ENPP5: variants seen among roughly 807,000 people sequenced by gnomAD.
The protein encoded by ENPP5 is ectonucleotide pyrophosphatase/phosphodiesterase family member 5.
Under a neutral mutation model 33.7 loss-of-function variants are expected in ENPP5, and 27 were observed. That is an observed-to-expected ratio of 0.80 (90% CI 0.59 to 1.11). ENPP5 has a LOEUF of 1.11. Ranked by LOEUF, ENPP5 falls within the 50% of genes least tolerant of loss-of-function variation. The probability of loss-of-function intolerance (pLI) is 0.00; values close to 1 mark genes in which losing one functional copy is unlikely to be tolerated. For missense variants in ENPP5, 552 were observed against 579.2 expected (o/e 0.95, Z 0.48); for synonymous variants, 199 against 200.5 (o/e 0.99, Z 0.06).
In ENPP5 at chr6:46,167,706, T is replaced by C. The variant is rs1409685600; in HGVS notation, c.557A>G (p.Tyr186Cys). 1 of 1,614,066 alleles carries C rather than the reference T, an allele frequency of 6.2e-7. No homozygotes were observed. The highest frequency in any genetic ancestry group is 2.2e-5 in the East Asian group (1 of 44,906). The change falls in exon 3 of 5, where the codon TAT (tyrosine) becomes TGT (cysteine). Residue 186 changes from tyrosine (Y) to cysteine (C), a missense_variant. Transcript: ENST00000371383. ...GCCCATGTCATCAGGGTCTTCCCAA[T>C]AGAGAAGACCAAGATTTATGGGCTC... ...SKEPINLGLL[Y>C]WEDPDDMGHH...
At position 46,161,162 on chromosome 6, in the gene ENPP5, C is replaced by T. The variant is rs929379528; in HGVS notation, c.*164G>A. ...CTTTGCAGGTGTAAGTATTTTGGTCCGTGTGTGTGTATGTGTGTGTGTGTG... is the reference window on the plus strand; with the variant it reads ...CTTTGCAGGTGTAAGTATTTTGGTCTGTGTGTGTGTATGTGTGTGTGTGTG... On this transcript the variant is annotated 3_prime_UTR_variant, in exon 5 of 5. Transcript: ENST00000371383. 5 of 587,300 alleles carry T rather than the reference C, an allele frequency of 8.5e-6. No individual in the cohort carries two copies. The highest frequency in any genetic ancestry group is 5.7e-5 in the East Asian group (2 of 35,346). 36.4% of individuals were successfully genotyped at this position (587,300 alleles called of 1,614,324 possible). A position where few individuals can be genotyped will look rare whatever the true frequency, so the allele number is the denominator to read the frequency against.
At chr6:46,167,083 A>G (rs1335073647) in intron 3 of ENPP5, among the ~76,000 whole-genome samples, 1 of 152,208 alleles carries the variant, frequency 6.6e-6, no homozygotes, top group Non-Finnish European at 1.5e-5. Context: ...TGGGGCTTCT[A>G]TGAAATAACT....
Position 46,161,142 on chromosome 6 carries a change from C to A in ENPP5, c.*184G>T. ...ATACTCTCACATCTTTATTCCTTTG[C>A]AGGTGTAAGTATTTTGGTCCGTGTG... On this transcript the variant is annotated 3_prime_UTR_variant, in exon 5 of 5. Transcript: ENST00000371383. 1 of 572,284 alleles carries A rather than the reference C, an allele frequency of 1.7e-6. No homozygotes were observed. Among genetic ancestry groups the A allele is most frequent in the Non-Finnish European group, 3.1e-6 (1 of 320,656 alleles). The allele number at this position is 572,284 out of a possible 1,614,324, so 35.5% of individuals were successfully genotyped here.
Position 46,160,909 on chromosome 6 carries a change from C to T in ENPP5, c.*417G>A, listed in dbSNP as rs931895438. 6.2e-6 allele frequency: 1 copy of T among 161,794 alleles called. No homozygotes were observed. Among genetic ancestry groups the T allele is most frequent in the African/African-American group, 2.4e-5 (1 of 41,522 alleles). 10.0% of individuals were successfully genotyped at this position (161,794 alleles called of 1,614,324 possible). ...TAACAAGTATTCTGTGACATGGGTG[C>T]AAAAAGTTGTCATTTTCAATCAAGT... On this transcript the variant is annotated 3_prime_UTR_variant, in exon 5 of 5. Coordinates refer to ENST00000371383, the MANE Select transcript of ENPP5 (RefSeq NM_001290072.2).
In ENPP5 at chr6:46,167,764, C is replaced by T. The variant is rs1441628198; in HGVS notation, c.499G>A (p.Val167Ile). ...GTAAACCATTCAATAATTTTGGCAA[C>T]TCTATCTTCAAATGAAACTGACTCA... Reference protein sequence around the residue: ...YNESVSFEDRVAKIIEWFTSK... With the variant: ...YNESVSFEDRIAKIIEWFTSK... The change falls in exon 3 of 5, where the codon GTT becomes ATT. Residue 167 changes from valine (V) to isoleucine (I), a missense_variant. Val to Ile is a conservative substitution (Grantham distance 29, BLOSUM62 3). Transcript: ENST00000371383. 2 of 1,613,744 alleles carry T rather than the reference C, an allele frequency of 1.2e-6. No individual in the cohort carries two copies. Among genetic ancestry groups the T allele is most frequent in the Non-Finnish European group, 1.7e-6 (2 of 1,179,964 alleles).
chr6:46,163,305 C>T (rs1174962927), intron 4 of ENPP5, among the ~76,000 whole-genome samples: 6 of 150,848 alleles, frequency 4.0e-5, no homozygotes, highest in South Asian at 2.1e-4. Flanking sequence ...CATGCTGGTG[C>T]GCTGCACCCA....
chr6:46,169,664 G>C (rs1245457000), intron 2 of ENPP5, among the ~76,000 whole-genome samples: 4 of 152,162 alleles, frequency 2.6e-5, no homozygotes, highest in Non-Finnish European at 5.9e-5. Flanking sequence ...AAAGTGCTGG[G>C]ATTACAGGCA....
At chr6:46,168,740 C>A (rs915138647) in intron 2 of ENPP5, among the ~76,000 whole-genome samples, 1 of 151,620 alleles carries the variant, frequency 6.6e-6, no homozygotes, top group African/African-American at 2.4e-5. Flanking sequence ...ATTAGCAAAT[C>A]GAATAATGGT....
chr6:46,166,188 TCCTCTTCCCTTC>T (rs891568289), intron 3 of ENPP5, among the ~76,000 whole-genome samples: 8 of 151,972 alleles, frequency 5.3e-5, no homozygotes, highest in Non-Finnish European at 1.0e-4. Flanking sequence ...CCCTTCCATT[TCCTCTTCCCTTC>T]CCTCTTCCCT....
intron 2 of ENPP5, 21 bp from the exon 3 acceptor site, chr6:46,168,318 A>C: frequency 8.7e-7 from 1 of 1,154,064 alleles, no homozygotes; most frequent in Non-Finnish European, 1.2e-6. Flanking sequence ...AACATATAGA[A>C]ATTAAAGGCA....
chr6:46,159,907 C>T lies in ENPP5; in HGVS notation c.*1419G>A, dbSNP rs903559979. On this transcript the variant is annotated 3_prime_UTR_variant, in exon 5 of 5. Coordinates refer to ENST00000371383, the MANE Select transcript of ENPP5 (RefSeq NM_001290072.2). Reference sequence around the variant, plus strand: ...GGGCTTCCTCTTTCCTCTAAGAAGCCACATGTAATACTATGCCTCTCCCAA... The same window carrying T: ...GGGCTTCCTCTTTCCTCTAAGAAGCTACATGTAATACTATGCCTCTCCCAA... 2 of 152,128 alleles carry T rather than the reference C, an allele frequency of 1.3e-5. No homozygotes were observed. The highest frequency in any genetic ancestry group is 2.9e-5 in the Non-Finnish European group (2 of 68,028). 9.4% of individuals were successfully genotyped at this position (152,128 alleles called of 1,614,324 possible).
At chr6:46,164,734 T>TA (rs1764487333) in intron 4 of ENPP5, among the ~76,000 whole-genome samples, 1 of 151,692 alleles carries the variant, frequency 6.6e-6, no homozygotes, top group Non-Finnish European at 1.5e-5. Flanking sequence ...GTTTATTTTT[T>TA]TTTTTTTGCT....
In ENPP5 at chr6:46,162,279, C is replaced by A. The variant is rs867455379; in HGVS notation, c.1007-526G>T. On this transcript the variant is annotated intron_variant, in intron 4 of 4. Coordinates refer to ENST00000371383, the MANE Select transcript of ENPP5 (RefSeq NM_001290072.2). ...CTGTACTTACAGCTATAATCTACTACTAAAAAACAAAGGTCAGAGTGGAGG... is the reference window on the plus strand; with the variant it reads ...CTGTACTTACAGCTATAATCTACTAATAAAAAACAAAGGTCAGAGTGGAGG... Among the ~76,000 whole-genome samples the A allele has an allele frequency of 3.3e-5, 5 of 152,240 alleles. No homozygotes were observed. The Middle Eastern group carries it at 0.01, about 311-fold the overall frequency.
Position 46,161,450 on chromosome 6 carries a change from A to G in ENPP5, c.1310T>C (p.Val437Ala), listed in dbSNP as rs1452489494. 6.2e-7 allele frequency: 1 copy of G among 1,613,906 alleles called. No individual in the cohort carries two copies. Among genetic ancestry groups the G allele is most frequent in the Admixed American group, 1.7e-5 (1 of 60,024 alleles). ...AATCACTATAATGCTGCCAAGAGAGACCCCTATGAAATAAGGGTATGACCC... is the reference window on the plus strand; with the variant it reads ...AATCACTATAATGCTGCCAAGAGAGGCCCCTATGAAATAAGGGTATGACCC... ...QEGSYPYFIGVSLGSIIVIVF... is the reference protein window; with the variant it reads ...QEGSYPYFIGASLGSIIVIVF... The change falls in exon 5 of 5, where the codon GTC (valine) becomes GCC (alanine). Residue 437 changes from valine (V) to alanine (A), a missense_variant. Coordinates refer to ENST00000371383, the MANE Select transcript of ENPP5 (RefSeq NM_001290072.2).
chr6:46,161,902 G>T, intron 4 of ENPP5, 149 bp from the exon 5 acceptor site: 2 of 666,216 alleles, frequency 3.0e-6, no homozygotes, highest in South Asian at 1.8e-5. Flanking sequence ...CTCTGCTGTT[G>T]TCCACATCAC....
intron 3 of ENPP5, among the ~76,000 whole-genome samples, chr6:46,166,659 C>T (rs1335841793): frequency 1.7e-5 from 2 of 115,080 alleles, no homozygotes; most frequent in African/African-American, 2.7e-5. Flanking sequence ...TTTTAACATT[C>T]GCTGTTTCAT....
chr6:46,161,495 G>C lies in ENPP5; in HGVS notation c.1265C>G (p.Pro422Arg). The change falls in exon 5 of 5, where the codon CCA becomes CGA. Residue 422 changes from proline (P) to arginine (R), a missense_variant. Physicochemically the swap from Pro to Arg is moderately radical, Grantham distance 103. Transcript: ENST00000371383. ...STILLPGSVK[P>R]AEYDQEGSYP... The stretch of plus-strand genomic sequence containing the variant: ...TGACCCCTCTTGGTCATATTCTGCT[G>C]GTTTAACACTACCAGGGAGGAGTAT... 1.2e-6 allele frequency: 2 copies of C among 1,614,060 alleles called. No homozygotes were observed. The highest frequency in any genetic ancestry group is 1.7e-5 in the Admixed American group (1 of 60,020).
intron 4 of ENPP5, chr6:46,164,884 GC>G (rs1048273867): frequency 1.3e-5 from 2 of 152,118 alleles, no homozygotes; most frequent in African/African-American, 4.8e-5. Flanking sequence ...GACTACAGGC[GC>G]CCACCACCAT....
chr6:46,168,176 C>G lies in ENPP5; in HGVS notation c.87G>C (p.Lys29Asn). ...ATCCATCAAAAGAAACTAGTAGAAC[C>G]TTTTGCTGGTCTGGTTGGAGAGAAA... ...TTFSLQPDQQ[K>N]VLLVSFDGFR... The change falls in exon 3 of 5, where the codon AAG (lysine) becomes AAC (asparagine). Residue 29 changes from lysine (K) to asparagine (N), a missense_variant. Coordinates refer to ENST00000371383, the MANE Select transcript of ENPP5 (RefSeq NM_001290072.2). 6.2e-7 allele frequency: 1 copy of G among 1,613,380 alleles called. No homozygotes were observed.
Sources: gnomAD v4.1 joint callset for allele counts (sites outside exome capture counted in the v4.1 genomes callset) on GRCh38, gnomAD v4.1.1 for gene constraint, MANE v1.5 for transcripts, NCBI Gene and HGNC (gene_info 2026-07-23, HGNC 2026-07-21) for gene names.